Variants in ZNF469 observed in about 807,000 individuals in gnomAD.
ZNF469 encodes the protein zinc finger protein 469.
Under a neutral mutation model 1.0 loss-of-function variants are expected in ZNF469, and 1 was observed. That is an observed-to-expected ratio of 1.00 (90% confidence interval 0.35 to 4.73). The LOEUF (loss-of-function observed/expected upper bound fraction) is 4.73, where lower values mean the gene tolerates loss of function less well. Ranked by LOEUF, ZNF469 falls within the 30% of genes most tolerant of loss-of-function variation. ZNF469 has a pLI of 0.16. For missense variants in ZNF469, 6,100 were observed against 5,356.3 expected, an observed-to-expected ratio of 1.14 and a Z score of -4.33; for synonymous variants, 2,703 against 2,363.4, an observed-to-expected ratio of 1.14 and a Z score of -4.17.
At chr16:88,228,271 C>G in the ZNF469 span, among the ~76,000 whole-genome samples, 1 of 152,222 alleles carries the variant, frequency 6.6e-6, no homozygotes, top group African/African-American at 2.4e-5. Flanking sequence ...TTCGCAGGCT[C>G]CGAGCAACGG....
Position 88,434,760 on chromosome 16 carries a change from C to T in ZNF469, c.7290C>T (p.Ser2430=). The T allele has an allele frequency of 6.4e-7, 1 of 1,550,414 alleles. No homozygotes were observed. The highest frequency in any genetic ancestry group is 8.7e-7 in the Non-Finnish European group (1 of 1,146,984). ...SDSPQSHRNA[S]HQTPQGDPLG... ...CCCCCCAAAGCCACAGAAATGCCTCCCACCAGACTCCCCAGGGGGACCCCC... is the reference window on the plus strand; with the variant it reads ...CCCCCCAAAGCCACAGAAATGCCTCTCACCAGACTCCCCAGGGGGACCCCC... The change falls in exon 3 of 3, where the codon TCC becomes TCT. Residue 2430 remains serine (S), a synonymous_variant. Transcript: ENST00000565624.
At chr16:88,331,801 C>A in the ZNF469 span, among the ~76,000 whole-genome samples, 1 of 152,200 alleles carries the variant, frequency 6.6e-6, no homozygotes, top group African/African-American at 2.4e-5. Context: ...CCACCATCAT[C>A]ATTCTCATCA....
the ZNF469 span, among the ~76,000 whole-genome samples, chr16:88,296,086 G>A: frequency 6.6e-5 from 10 of 152,312 alleles, 1 homozygote; most frequent in East Asian, 9.7e-4. Flanking sequence ...GCCCGGCTGC[G>A]CCTTTGCAGG....
chr16:88,249,153 G>A, the ZNF469 span, among the ~76,000 whole-genome samples: 5 of 151,966 alleles, frequency 3.3e-5, no homozygotes, highest in African/African-American at 1.2e-4. Context: ...CCGAGCCACT[G>A]CTGGATAGTA....
chr16:88,224,008 A>T, the ZNF469 span, among the ~76,000 whole-genome samples: 1 of 152,136 alleles, frequency 6.6e-6, no homozygotes. Context: ...AGTCATTTCT[A>T]ATGTGGATGA....
the ZNF469 span, among the ~76,000 whole-genome samples, chr16:88,283,117 C>T: frequency 6.6e-6 from 1 of 152,014 alleles, no homozygotes; most frequent in African/African-American, 2.4e-5. Flanking sequence ...TAGTCGTTGA[C>T]ATTTATTGGA....
At chr16:88,124,709 C>G in the ZNF469 span, among the ~76,000 whole-genome samples, 20 of 152,192 alleles carry the variant, frequency 1.3e-4, no homozygotes, top group Admixed American at 7.2e-4. Context: ...CTCAGTCTCC[C>G]GAGTAGGTGG....
chr16:88,249,417 C>CTTTTTTTTTTTT, the ZNF469 span, among the ~76,000 whole-genome samples: 1 of 92,986 alleles, frequency 1.1e-5, no homozygotes, highest in Non-Finnish European at 1.9e-5. Context: ...CTTTTTCTTT[C>CTTTTTTTTTTTT]TTTTTCTTTT....
chr16:88,109,556 T>A, the ZNF469 span, among the ~76,000 whole-genome samples: 1 of 148,498 alleles, frequency 6.7e-6, no homozygotes. Flanking sequence ...GTGCTGAGCA[T>A]CTGTGTCCAC....
chr16:88,110,141 C>T, the ZNF469 span, among the ~76,000 whole-genome samples: 1 of 152,212 alleles, frequency 6.6e-6, no homozygotes, highest in Admixed American at 6.5e-5. Flanking sequence ...AACACTTCTT[C>T]AGAGTCACAC....
chr16:88,115,088 G>A, the ZNF469 span, among the ~76,000 whole-genome samples: 1 of 152,164 alleles, frequency 6.6e-6, no homozygotes, highest in Non-Finnish European at 1.5e-5. Flanking sequence ...AGGTGGTTCT[G>A]CCCCTGCCCA....
intron 1 of ZNF469, among the ~76,000 whole-genome samples, chr16:88,410,764 G>A (rs1184766500): frequency 6.6e-6 from 1 of 152,236 alleles, no homozygotes; most frequent in African/African-American, 2.4e-5. Context: ...TAACGTCTAT[G>A]ATGCTGTTGA....
the ZNF469 span, chr16:88,178,387 GCGTTCTGAGAACTGAGCACTCCGA>G: frequency 3.3e-5 from 5 of 152,160 alleles, no homozygotes; most frequent in Admixed American, 1.3e-4. Flanking sequence ...GGGCACTCCG[GCGTTCTGAGAACTGAGCACTCCGA>G]CGTTCTGAGA....
chr16:88,265,792 T>C, the ZNF469 span, among the ~76,000 whole-genome samples: 1 of 152,110 alleles, frequency 6.6e-6, no homozygotes, highest in East Asian at 1.9e-4. Flanking sequence ...CTCACTGGGG[T>C]GTGTGTGGCC....
chr16:88,292,080 G>A, the ZNF469 span, among the ~76,000 whole-genome samples: 1 of 152,198 alleles, frequency 6.6e-6, no homozygotes, highest in Non-Finnish European at 1.5e-5. Context: ...ATCTGGATAT[G>A]CGGGTCACAA....
chr16:88,316,357 C>T, the ZNF469 span, among the ~76,000 whole-genome samples: 9 of 152,102 alleles, frequency 5.9e-5, no homozygotes, highest in Non-Finnish European at 1.3e-4. Flanking sequence ...GGCCAGACGC[C>T]AGCCTTGCAT....
the ZNF469 span, among the ~76,000 whole-genome samples, chr16:88,233,810 G>A: frequency 3.9e-5 from 6 of 152,382 alleles, no homozygotes; most frequent in Non-Finnish European, 7.3e-5. Context: ...CCTCCTGTGC[G>A]CGAGCGCTTT....
chr16:88,436,260 TC>T lies in ZNF469; in HGVS notation c.8793del (p.Ala2932GlnfsTer85). 6.5e-7 allele frequency: 1 copy of T among 1,549,838 alleles called. No homozygotes were observed. The highest frequency in any genetic ancestry group is 8.7e-7 in the Non-Finnish European group (1 of 1,146,868). On this transcript the variant is annotated frameshift_variant, in exon 3 of 3. Coordinates refer to ENST00000565624, the MANE Select transcript of ZNF469 (RefSeq NM_001367624.2). LOFTEE classifies it low-confidence loss of function (END_TRUNC). ...ATGAGGACCCGTGGGAGGACGAGGA[TC>T]CCGCAGGTCTGCCCGAGTCCTTCCT... Reference protein sequence around the residue: ...CHEDPWEDEDPAGLPESFLLD... With the variant: ...CHEDPWEDEDXAGLPESFLLD...
chr16:88,151,760 C>T, the ZNF469 span, among the ~76,000 whole-genome samples: 4 of 152,230 alleles, frequency 2.6e-5, no homozygotes, highest in Admixed American at 2.6e-4. The surrounding 1 kb of genome is among the most constrained non-coding windows in gnomAD (Gnocchi z 5.4). Flanking sequence ...TCGGCCACTT[C>T]TGAATTGCAA....
Sources: allele counts gnomAD v4.1 joint callset (sites outside exome capture counted in the v4.1 genomes callset), GRCh38; gene constraint gnomAD v4.1.1; non-coding constraint Gnocchi (gnomAD v3.1); transcripts MANE v1.5; gene names NCBI Gene and HGNC (gene_info 2026-07-23, HGNC 2026-07-21).